The following TSPAN3 variants were observed in gnomAD, a reference collection of about 807,000 sequenced individuals.
TSPAN3 encodes the protein tetraspanin 3, also known as tetraspanin-3.
Under a neutral mutation model 31.1 loss-of-function variants are expected in TSPAN3, and 9 were observed. The ratio of observed to expected loss-of-function variants is 0.29; its 90% CI spans 0.17 to 0.50. The LOEUF (loss-of-function observed/expected upper bound fraction) is 0.50, where lower values mean the gene tolerates loss of function less well. Ranked by LOEUF, TSPAN3 falls within the 20% of genes least tolerant of loss-of-function variation. The probability of loss-of-function intolerance (pLI) is 0.98; values close to 1 mark genes in which losing one functional copy is unlikely to be tolerated. For synonymous variants in TSPAN3, 129 were observed against 114.3 expected (o/e 1.13, Z -0.82); for missense variants, 252 against 313.5 (o/e 0.80, Z 1.48).
intron 1 of TSPAN3, among the ~76,000 whole-genome samples, chr15:77,069,545 G>A (rs1481696174): frequency 6.6e-6 from 1 of 152,142 alleles, no homozygotes; most frequent in Non-Finnish European, 1.5e-5. Context: ...TGCCAATGTC[G>A]CCTGGGTGTT....
intron 3 of TSPAN3, chr15:77,055,118 T>G (rs140525552): frequency 6.6e-6 from 1 of 152,328 alleles, no homozygotes; most frequent in Non-Finnish European, 1.5e-5. Context: ...TCAAAACCAT[T>G]AAGTTATAAT....
At chr15:77,068,567 T>A (rs2076847544) in intron 1 of TSPAN3, among the ~76,000 whole-genome samples, 1 of 152,188 alleles carries the variant, frequency 6.6e-6, no homozygotes, top group Non-Finnish European at 1.5e-5. Context: ...GTTATGGCCA[T>A]AAATTCACAA....
At chr15:77,065,916 T>C (rs547361580) in intron 1 of TSPAN3, among the ~76,000 whole-genome samples, 34 of 152,294 alleles carry the variant, frequency 2.2e-4, no homozygotes, top group African/African-American at 8.2e-4. Flanking sequence ...TTTTATACTA[T>C]CACCTCTCAG....
chr15:77,053,316 T>C (rs191285093), intron 4 of TSPAN3, among the ~76,000 whole-genome samples: 19 of 151,554 alleles, frequency 1.3e-4, no homozygotes, highest in Non-Finnish European at 2.8e-4. Flanking sequence ...ACCAACATGG[T>C]GAAACCCCGT....
chr15:77,055,502 A>C (rs1048746475), intron 3 of TSPAN3: 36 of 265,668 alleles, frequency 1.4e-4, no homozygotes, highest in African/African-American at 7.8e-4. Context: ...TCATATAGGC[A>C]ATCTGTGTGC....
At chr15:77,065,214 G>C (rs954571810) in intron 1 of TSPAN3, among the ~76,000 whole-genome samples, 14 of 151,932 alleles carry the variant, frequency 9.2e-5, no homozygotes, top group Admixed American at 3.9e-4. Context: ...TTAATTCTCT[G>C]CATAACACAT....
intron 1 of TSPAN3, among the ~76,000 whole-genome samples, chr15:77,068,479 A>G (rs1172247155): frequency 6.6e-6 from 1 of 152,220 alleles, no homozygotes; most frequent in Non-Finnish European, 1.5e-5. Flanking sequence ...TGTATTTCCA[A>G]TATTTTGTTA....
Position 77,042,364 on chromosome 15 carries a change from C to A in TSPAN3, c.*4471G>T, listed in dbSNP as rs1487617600. 1 of 152,162 alleles carries A rather than the reference C, an allele frequency of 6.6e-6. No individual in the cohort carries two copies. Among genetic ancestry groups the A allele is most frequent in the African/African-American group, 2.4e-5 (1 of 41,422 alleles). The allele number at this position is 152,162 out of a possible 1,614,324, so 9.4% of individuals were successfully genotyped here. A position where few individuals can be genotyped will look rare whatever the true frequency, so the allele number is the denominator to read the frequency against. The stretch of plus-strand genomic sequence containing the variant: ...ATCTATAGGACAAGAAGCAAAGACA[C>A]CCCAGCTGCAATAAGCACACCTAGT... On this transcript the variant is annotated 3_prime_UTR_variant, in exon 7 of 7. Coordinates refer to ENST00000267970, the MANE Select transcript of TSPAN3 (RefSeq NM_005724.6).
intron 4 of TSPAN3, among the ~76,000 whole-genome samples, 197 bp downstream of exon 4, chr15:77,053,981 A>T (rs1256041826): frequency 6.6e-6 from 1 of 152,172 alleles, no homozygotes; most frequent in East Asian, 1.9e-4. Flanking sequence ...TGATAAAAAA[A>T]AGTTCAAGAT....
At chr15:77,051,717 G>T (rs1341574407) in intron 6 of TSPAN3, among the ~76,000 whole-genome samples, 1 of 151,774 alleles carries the variant, frequency 6.6e-6, no homozygotes, top group Non-Finnish European at 1.5e-5. Flanking sequence ...AATTAGTCTG[G>T]TGTGGTGGCC....
intron 6 of TSPAN3, among the ~76,000 whole-genome samples, chr15:77,048,469 GT>G (rs1439828788): frequency 1.4e-5 from 2 of 144,262 alleles, no homozygotes; most frequent in Admixed American, 1.4e-4. Flanking sequence ...TTCCCAATTT[GT>G]TTATTTCAAT....
At chr15:77,057,034 C>G (rs1439625698) in intron 1 of TSPAN3, among the ~76,000 whole-genome samples, 1 of 152,146 alleles carries the variant, frequency 6.6e-6, no homozygotes, top group Non-Finnish European at 1.5e-5. Context: ...TATTAAAGAC[C>G]TAAAGGGAAA....
At chr15:77,052,690 T>C (rs1166252400) in intron 5 of TSPAN3, 87 bp downstream of exon 5, 14 of 1,441,038 alleles carry the variant, frequency 9.7e-6, no homozygotes, top group Admixed American at 8.2e-5. Flanking sequence ...ACAAGCAAGG[T>C]GGCAGAAAAG....
At chr15:77,070,605 T>C (rs904606724) in intron 1 of TSPAN3, among the ~76,000 whole-genome samples, 1 of 151,722 alleles carries the variant, frequency 6.6e-6, no homozygotes, top group Non-Finnish European at 1.5e-5. Context: ...CTGGGGCGCC[T>C]GGCACGGAGC....
intron 6 of TSPAN3, among the ~76,000 whole-genome samples, chr15:77,048,268 A>T (rs1315440087): frequency 1.3e-5 from 2 of 152,232 alleles, no homozygotes; most frequent in African/African-American, 4.8e-5. Flanking sequence ...GAACAGCTAT[A>T]AACTCAAATG....
At chr15:77,058,797 C>G (rs1169919571) in intron 1 of TSPAN3, among the ~76,000 whole-genome samples, 6 of 152,216 alleles carry the variant, frequency 3.9e-5, no homozygotes, top group Non-Finnish European at 8.8e-5. Flanking sequence ...TGGTTTGTAT[C>G]TGGTTTCTCT....
Position 77,046,202 on chromosome 15 carries a change from G to T in TSPAN3, c.*633C>A. The T allele has an allele frequency of 2.6e-6, 1 of 390,450 alleles. No homozygotes were observed. The highest frequency in any genetic ancestry group is 4.5e-6 in the Non-Finnish European group (1 of 221,312). 24.2% of individuals were successfully genotyped at this position (390,450 alleles called of 1,614,324 possible). On this transcript the variant is annotated 3_prime_UTR_variant, in exon 7 of 7. Coordinates refer to ENST00000267970, the MANE Select transcript of TSPAN3 (RefSeq NM_005724.6). ...TCACACTAATTCTTTTAAAACAGTA[G>T]TGCATACATTATACTCCTCCTATAA... is the stretch of plus-strand genomic sequence containing the variant.
At chr15:77,061,739 G>A (rs943780346) in intron 1 of TSPAN3, among the ~76,000 whole-genome samples, 3 of 152,188 alleles carry the variant, frequency 2.0e-5, no homozygotes, top group African/African-American at 4.8e-5. Flanking sequence ...CATTTTGGGC[G>A]AAGCTGAAGC....
chr15:77,070,582 C>CGT (rs1555686584), intron 1 of TSPAN3, among the ~76,000 whole-genome samples: 3 of 149,146 alleles, frequency 2.0e-5, no homozygotes, highest in Non-Finnish European at 3.0e-5. Flanking sequence ...CCGGCGACTC[C>CGT]GGGGGGGGGA....
Sources: allele counts gnomAD v4.1 joint callset (sites outside exome capture counted in the v4.1 genomes callset), GRCh38; gene constraint gnomAD v4.1.1; transcripts MANE v1.5; gene names NCBI Gene and HGNC (gene_info 2026-07-23, HGNC 2026-07-21).